The following MMP16 variants were observed in gnomAD, a reference collection of about 807,000 sequenced individuals.
MMP16 encodes the protein matrix metalloproteinase-16.
Under a neutral mutation model 67.8 loss-of-function variants are expected in MMP16, and 12 were observed. That is an observed-to-expected ratio of 0.18 (90% CI 0.11 to 0.29). The LOEUF (loss-of-function observed/expected upper bound fraction) is 0.29. Among genes scored for constraint, MMP16 ranks in the 10% least tolerant of loss-of-function variants. The pLI is 1.00. For missense variants in MMP16, 475 were observed against 765.7 expected, an observed-to-expected ratio of 0.62 and a Z score of 4.48; for synonymous variants, 249 against 255.9, an observed-to-expected ratio of 0.97 and a Z score of 0.26.
At chr8:88,323,968 T>C (rs910260298) in intron 1 of MMP16, among the ~76,000 whole-genome samples, 1 of 152,194 alleles carries the variant, frequency 6.6e-6, no homozygotes, top group Non-Finnish European at 1.5e-5. Flanking sequence ...TTAGTTAATA[T>C]TAGCAATGTT....
At chr8:88,198,015 A>G (rs1809283818) in intron 1 of MMP16, among the ~76,000 whole-genome samples, 1 of 152,188 alleles carries the variant, frequency 6.6e-6, no homozygotes, top group Non-Finnish European at 1.5e-5. Context: ...TAAGGGTCTC[A>G]TGATTTTTAT....
At chr8:88,189,813 C>T (rs1307260845) in intron 2 of MMP16, among the ~76,000 whole-genome samples, 1 of 152,170 alleles carries the variant, frequency 6.6e-6, no homozygotes, top group Non-Finnish European at 1.5e-5. Context: ...CAGTTTACCA[C>T]CCCAATGCAG....
At chr8:88,227,245 C>T (rs1018883723) in intron 1 of MMP16, among the ~76,000 whole-genome samples, 5 of 151,878 alleles carry the variant, frequency 3.3e-5, no homozygotes, top group African/African-American at 9.6e-5. Context: ...ATACATATAG[C>T]AAAATTAATT....
chr8:88,164,187 C>G (rs1271819333), intron 4 of MMP16, among the ~76,000 whole-genome samples: 2 of 151,978 alleles, frequency 1.3e-5, no homozygotes, highest in Non-Finnish European at 2.9e-5. Context: ...GAGGCTCTTT[C>G]ATTTGCATTT....
chr8:88,097,358 G>C (rs1338846306), intron 6 of MMP16, among the ~76,000 whole-genome samples: 2 of 151,826 alleles, frequency 1.3e-5, no homozygotes, highest in Admixed American at 6.6e-5. Context: ...AGTGGCTCAT[G>C]CCTCTAATCC....
chr8:88,252,232 T>C (rs1445501203), intron 1 of MMP16, among the ~76,000 whole-genome samples: 1 of 151,968 alleles, frequency 6.6e-6, no homozygotes, highest in Non-Finnish European at 1.5e-5. Flanking sequence ...TAGCAAAGAC[T>C]TGGAACCAAC....
intron 9 of MMP16, among the ~76,000 whole-genome samples, chr8:88,043,314 G>C (rs935527043): frequency 6.6e-6 from 1 of 151,908 alleles, no homozygotes. Flanking sequence ...ATGGAGTTTC[G>C]CTCTTGCTGC....
At chr8:88,266,339 T>C (rs905649584) in intron 1 of MMP16, among the ~76,000 whole-genome samples, 8 of 57,588 alleles carry the variant, frequency 1.4e-4, no homozygotes, top group African/African-American at 3.3e-4. Context: ...GTGAGTATGC[T>C]ATTTTTTAAC....
intron 7 of MMP16, among the ~76,000 whole-genome samples, chr8:88,061,720 T>C (rs59726417): frequency 6.6e-6 from 1 of 151,964 alleles, no homozygotes; most frequent in African/African-American, 2.4e-5. Flanking sequence ...TTATAGGAAA[T>C]TGTTATTATT....
At chr8:88,238,663 TAAAA>T (rs34127125) in intron 1 of MMP16, among the ~76,000 whole-genome samples, 1 of 99,886 alleles carries the variant, frequency 1.0e-5, no homozygotes. Flanking sequence ...AAGACTCTGT[TAAAA>T]AAAAAAAAAA....
intron 1 of MMP16, among the ~76,000 whole-genome samples, chr8:88,252,279 TGC>T: frequency 6.6e-6 from 1 of 152,272 alleles, no homozygotes; most frequent in South Asian, 2.1e-4. Flanking sequence ...CTCTGATGGC[TGC>T]AGTCTTCCCT....
chr8:88,078,071 CCTCTTTGTTTTCTTCTCT>C (rs1009216365), intron 6 of MMP16, among the ~76,000 whole-genome samples: 6 of 151,936 alleles, frequency 3.9e-5, no homozygotes, highest in African/African-American at 1.4e-4. Flanking sequence ...TCTCTCCCTC[CCTCTTTGTTTTCTTCTCT>C]CTCCCTCTTC....
chr8:88,141,922 T>G (rs1406796028), intron 4 of MMP16, among the ~76,000 whole-genome samples: 1 of 151,872 alleles, frequency 6.6e-6, no homozygotes, highest in Non-Finnish European at 1.5e-5. Context: ...TAAATATGTT[T>G]TTTTTTTTTT....
At chr8:88,145,434 G>C (rs1418381034) in intron 4 of MMP16, among the ~76,000 whole-genome samples, 2 of 151,842 alleles carry the variant, frequency 1.3e-5, no homozygotes, top group Non-Finnish European at 2.9e-5. Context: ...TGTGTCACAT[G>C]ACTATATACA....
chr8:88,100,012 C>A (rs972067738), intron 6 of MMP16, among the ~76,000 whole-genome samples: 16 of 151,934 alleles, frequency 1.1e-4, no homozygotes, highest in African/African-American at 3.6e-4. Flanking sequence ...GAGTAGATTG[C>A]AAAAATTTTC....
intron 4 of MMP16, among the ~76,000 whole-genome samples, chr8:88,130,380 A>C (rs978938905): frequency 2.0e-5 from 3 of 151,818 alleles, no homozygotes; most frequent in African/African-American, 7.2e-5. Flanking sequence ...GATATGATGT[A>C]ACCTAAGTGT....
At chr8:88,173,116 C>T (rs1808831308) in intron 3 of MMP16, among the ~76,000 whole-genome samples, 1 of 152,132 alleles carries the variant, frequency 6.6e-6, no homozygotes, top group African/African-American at 2.4e-5. Context: ...GTGGCAAGAT[C>T]ACAGCTCACT....
chr8:88,076,115 C>T (rs182002457), intron 6 of MMP16, among the ~76,000 whole-genome samples: 23 of 152,148 alleles, frequency 1.5e-4, no homozygotes, highest in Middle Eastern at 3.4e-3. Flanking sequence ...GTCTTCTCTA[C>T]CAACTTCTGT....
chr8:88,250,794 T>C (rs1004492185), intron 1 of MMP16, among the ~76,000 whole-genome samples: 23 of 151,720 alleles, frequency 1.5e-4, no homozygotes, highest in African/African-American at 4.6e-4. Flanking sequence ...TTTTTTATTA[T>C]ACTTTAAGTT....
Sources: gnomAD v4.1 joint callset for allele counts (sites outside exome capture counted in the v4.1 genomes callset) on GRCh38, gnomAD v4.1.1 for gene constraint, MANE v1.5 for transcripts, NCBI Gene and HGNC (gene_info 2026-07-23, HGNC 2026-07-21) for gene names.